The following ZDHHC14 variants were observed in gnomAD, a reference collection of about 807,000 sequenced individuals.
ZDHHC14 encodes the protein palmitoyltransferase ZDHHC14.
Under a neutral mutation model 47.7 loss-of-function variants are expected in ZDHHC14, and 16 were observed. The ratio of observed to expected loss-of-function variants is 0.34; its 90% CI spans 0.23 to 0.51. The LOEUF is 0.51. Among genes scored for constraint, ZDHHC14 ranks in the 20% least tolerant of loss-of-function variants. ZDHHC14 has a pLI of 0.97. For missense variants in ZDHHC14, 515 were observed against 662.5 expected (o/e 0.78, Z 2.44); for synonymous variants, 293 against 278.9 (o/e 1.05, Z -0.50).
chr6:157,603,509 G>C (rs1275523151), intron 3 of ZDHHC14, among the ~76,000 whole-genome samples: 1 of 152,152 alleles, frequency 6.6e-6, no homozygotes, highest in Non-Finnish European at 1.5e-5. Flanking sequence ...ACAGGAGATT[G>C]AGAGGGCTGG....
intron 1 of ZDHHC14, among the ~76,000 whole-genome samples, chr6:157,416,914 C>G (rs34022078): frequency 6.8e-6 from 1 of 147,666 alleles, no homozygotes; most frequent in Non-Finnish European, 1.5e-5. Context: ...TCAAGCGATT[C>G]TCCTGCCTCA....
chr6:157,484,467 C>CGT (rs1779728931), intron 1 of ZDHHC14, among the ~76,000 whole-genome samples: 8 of 137,706 alleles, frequency 5.8e-5, no homozygotes, highest in African/African-American at 2.2e-4. Context: ...TGTATATATA[C>CGT]ATATATTTAT....
At chr6:157,616,635 G>A (rs894230812) in intron 3 of ZDHHC14, among the ~76,000 whole-genome samples, 1 of 152,164 alleles carries the variant, frequency 6.6e-6, no homozygotes, top group African/African-American at 2.4e-5. Context: ...ACCTCGAACT[G>A]AAGGGACAGA....
chr6:157,553,904 G>A (rs541765780), intron 2 of ZDHHC14, among the ~76,000 whole-genome samples: 37 of 152,238 alleles, frequency 2.4e-4, no homozygotes, highest in Admixed American at 3.9e-4. Flanking sequence ...AGGTGCCACC[G>A]GGATGAGTGG....
In ZDHHC14 at chr6:157,542,738, G is replaced by A; in HGVS notation, c.399G>A (p.Arg133=). 1 of 1,613,944 alleles carries A rather than the reference G, an allele frequency of 6.2e-7. No individual in the cohort carries two copies. Among genetic ancestry groups the A allele is most frequent in the Non-Finnish European group, 8.5e-7 (1 of 1,179,898 alleles). Residue 133 remains arginine (R), a synonymous_variant, in exon 2 of 9, where the codon AGG becomes AGA. Transcript: ENST00000359775. The part of the protein sequence containing the change: ...ATPDEAADLE[R]QIDIANGTSS... ...CTGATGAAGCCGCCGATCTGGAAAG[G>A]CAAATAGGTAACACTGAAAGTCTGC...
chr6:157,522,980 C>T lies in ZDHHC14; in HGVS notation c.246-19605C>T, dbSNP rs923821580. ...TTCCTTCTTTCTTTTCTTTTCTTTTCTTTTTCTTTTCTTTTCTTTTCTTTT... is the reference window on the plus strand; with the variant it reads ...TTCCTTCTTTCTTTTCTTTTCTTTTTTTTTTCTTTTCTTTTCTTTTCTTTT... On this transcript the variant is annotated intron_variant, in intron 1 of 8. Transcript: ENST00000359775. Among the ~76,000 whole-genome samples, 138 of 17,292 alleles carry T rather than the reference C, an allele frequency of 8.0e-3. 6 individuals carry two copies. The highest frequency in any genetic ancestry group is 0.076 in the East Asian group (100 of 1,316). The allele number at this position is 17,292 out of a possible 152,430, so 11.3% of individuals were successfully genotyped here. A position where few individuals can be genotyped will look rare whatever the true frequency, so the allele number is the denominator to read the frequency against.
At chr6:157,454,226 A>G (rs559871746) in intron 1 of ZDHHC14, among the ~76,000 whole-genome samples, 2 of 152,320 alleles carry the variant, frequency 1.3e-5, no homozygotes, top group South Asian at 2.1e-4. Context: ...ACATGAAGGG[A>G]CAAAGAAATA....
intron 5 of ZDHHC14, 100 bp from the exon 6 acceptor site, chr6:157,645,635 TAG>T: frequency 1.2e-6 from 1 of 853,622 alleles, no homozygotes. Context: ...GGCCAGCAAC[TAG>T]AGAGAGGCCT....
chr6:157,390,309 C>T (rs908603452), intron 1 of ZDHHC14, among the ~76,000 whole-genome samples: 1 of 152,012 alleles, frequency 6.6e-6, no homozygotes, highest in Non-Finnish European at 1.5e-5. Context: ...TGCGATATTT[C>T]TCCAGCTGAT....
intron 1 of ZDHHC14, among the ~76,000 whole-genome samples, chr6:157,473,988 C>CTTTT (rs34287258): frequency 7.6e-5 from 9 of 118,600 alleles, no homozygotes; most frequent in South Asian, 2.7e-4. Flanking sequence ...ATTTTCTTTT[C>CTTTT]TTTTTTTTTT....
intron 7 of ZDHHC14, among the ~76,000 whole-genome samples, chr6:157,653,211 A>T (rs1583078068): frequency 6.6e-6 from 1 of 152,320 alleles, no homozygotes; most frequent in Non-Finnish European, 1.5e-5. Flanking sequence ...CTGGGGACAG[A>T]TGGTGACAGG....
At chr6:157,465,255 A>T (rs187498035) in intron 1 of ZDHHC14, among the ~76,000 whole-genome samples, 16 of 152,164 alleles carry the variant, frequency 1.1e-4, no homozygotes, top group Non-Finnish European at 1.6e-4. Context: ...TTAGTTTCAG[A>T]TTATACTTAA....
chr6:157,645,704 C>G (rs1252616798), intron 5 of ZDHHC14, 33 bp from the exon 6 acceptor site: 2 of 1,590,660 alleles, frequency 1.3e-6, no homozygotes, highest in Admixed American at 3.4e-5. Flanking sequence ...TGCGCGGTCC[C>G]TCACTTCCGC....
At chr6:157,617,193 T>A (rs559977159) in intron 3 of ZDHHC14, among the ~76,000 whole-genome samples, 1 of 152,302 alleles carries the variant, frequency 6.6e-6, no homozygotes, top group Admixed American at 6.5e-5. Flanking sequence ...AGATGAGATA[T>A]TATGTGAAAA....
chr6:157,500,593 C>T (rs922170158), intron 1 of ZDHHC14, among the ~76,000 whole-genome samples: 6 of 152,192 alleles, frequency 3.9e-5, no homozygotes, highest in Non-Finnish European at 5.9e-5. Context: ...GACAGTGACA[C>T]GATTTGCCAG....
chr6:157,653,593 C>T lies in ZDHHC14; in HGVS notation c.1034C>T (p.Thr345Ile), dbSNP rs528741481. Reference protein sequence around the residue: ...PQPAAPSNGITMYGATQSQSD... With the variant: ...PQPAAPSNGIIMYGATQSQSD... ...CCAGCAGCACCCTCCAATGGCATCACCATGTACGGGGCCACGCAGTCACAG... is the reference window on the plus strand; with the variant it reads ...CCAGCAGCACCCTCCAATGGCATCATCATGTACGGGGCCACGCAGTCACAG... Residue 345 changes from threonine (T) to isoleucine (I), a missense_variant, in exon 8 of 9, where the codon ACC becomes ATC. Around this residue, in one of 4 missense-constraint regions of ZDHHC14, gnomAD observed 221 missense variants for 233.6 expected, o/e 0.95. Transcript: ENST00000359775. 3.1e-6 allele frequency: 5 copies of T among 1,613,940 alleles called. No individual in the cohort carries two copies. The highest frequency in any genetic ancestry group is 1.3e-5 in the African/African-American group (1 of 75,048).
intron 1 of ZDHHC14, among the ~76,000 whole-genome samples, chr6:157,421,442 G>T: frequency 7.7e-6 from 1 of 129,970 alleles, no homozygotes; most frequent in Non-Finnish European, 1.6e-5. Flanking sequence ...GCAGTGAGCT[G>T]AGATCGTGCC....
Position 157,487,708 on chromosome 6 carries a change from C to T in ZDHHC14, c.246-54877C>T, listed in dbSNP as rs574595768. ...GGTTGGAATCAGAGCTTTTCTAAAT[C>T]TCATGATTGTCGTTGTTATTTTTAG... On this transcript the variant is annotated intron_variant, in intron 1 of 8. Transcript: ENST00000359775. Among the ~76,000 whole-genome samples the T allele has an allele frequency of 3.3e-5, 5 of 152,302 alleles. No homozygotes were observed. The South Asian group carries it at 1.0e-3, about 32-fold the overall frequency.
chr6:157,563,399 C>T (rs1393956116), intron 2 of ZDHHC14, among the ~76,000 whole-genome samples: 2 of 152,222 alleles, frequency 1.3e-5, no homozygotes, highest in Non-Finnish European at 2.9e-5. Context: ...TGGTTTCTGC[C>T]TTGCCCTGCT....
Sources: gnomAD v4.1 joint callset for allele counts (sites outside exome capture counted in the v4.1 genomes callset) on GRCh38, gnomAD v4.1.1 for gene constraint, gnomAD v4.1.1 regional missense constraint, MANE v1.5 for transcripts, NCBI Gene and HGNC (gene_info 2026-07-23, HGNC 2026-07-21) for gene names.